GTF2IRD1: variants seen among roughly 807,000 people sequenced by gnomAD.
The protein encoded by GTF2IRD1 is GTF2I repeat domain containing 1.
Under a neutral mutation model 113.2 loss-of-function variants are expected in GTF2IRD1, and 26 were observed. That is an observed-to-expected ratio of 0.23 (90% CI 0.17 to 0.32). GTF2IRD1 has a LOEUF of 0.32. Among genes scored for constraint, GTF2IRD1 ranks in the 10% least tolerant of loss-of-function variants. GTF2IRD1 has a pLI of 1.00. For synonymous variants in GTF2IRD1, 484 were observed against 529.1 expected, an observed-to-expected ratio of 0.91 and a Z score of 1.17; for missense variants, 864 against 1,280.8, an observed-to-expected ratio of 0.67 and a Z score of 4.97.
At position 74,464,382 on chromosome 7, in the gene GTF2IRD1, GA is replaced by G. The variant is rs1188260311; in HGVS notation, c.-7+10207del. On this transcript the variant is annotated intron_variant, in intron 1 of 26. Transcript: ENST00000424337. Reference sequence around the variant, plus strand: ...CCTAAGGAGATGGAGCTTCCTGGGTGATCACATGTCTTGCGTGGGTGTCTTG... The same window carrying G: ...CCTAAGGAGATGGAGCTTCCTGGGTGTCACATGTCTTGCGTGGGTGTCTTG... Among the ~76,000 whole-genome samples, 1,461 of 152,300 alleles carry G rather than the reference GA, an allele frequency of 9.6e-3. 22 individuals are homozygous for G. Among genetic ancestry groups the G allele is most frequent in the African/African-American group, 0.032 (1,326 of 41,568 alleles).
intron 1 of GTF2IRD1, chr7:74,506,271 C>A (rs920535425): frequency 6.6e-6 from 1 of 152,220 alleles, no homozygotes; most frequent in East Asian, 1.9e-4. Context: ...TGGGACCACA[C>A]GCCTTGGGCC....
intron 20 of GTF2IRD1, 122 bp downstream of exon 20, chr7:74,557,844 T>G: frequency 1.6e-6 from 1 of 639,328 alleles, no homozygotes; most frequent in Non-Finnish European, 2.8e-6. Flanking sequence ...CATGTATTTC[T>G]TGAGCATATA....
intron 22 of GTF2IRD1, among the ~76,000 whole-genome samples, chr7:74,583,110 C>T (rs1288207189): frequency 2.6e-5 from 4 of 152,108 alleles, no homozygotes; most frequent in Non-Finnish European, 4.4e-5. Context: ...CTAGAGAATC[C>T]CACAGACAAG....
chr7:74,505,429 A>G (rs1052165821), intron 1 of GTF2IRD1, among the ~76,000 whole-genome samples: 12 of 152,082 alleles, frequency 7.9e-5, no homozygotes, highest in Admixed American at 2.0e-4. Context: ...GGCTCGGGAC[A>G]GGGGGTCCTA....
At chr7:74,567,419 C>T (rs1800390647) in intron 22 of GTF2IRD1, among the ~76,000 whole-genome samples, 2 of 152,044 alleles carry the variant, frequency 1.3e-5, no homozygotes, top group African/African-American at 4.8e-5. Context: ...ATTGGTTGCA[C>T]CAGCCTCTGC....
chr7:74,530,835 C>T (rs894794268), intron 9 of GTF2IRD1, among the ~76,000 whole-genome samples: 1 of 152,096 alleles, frequency 6.6e-6, no homozygotes, highest in African/African-American at 2.4e-5. Context: ...GTTACTTAAC[C>T]ACTCTGTGCC....
chr7:74,509,154 C>G (rs191302314), intron 2 of GTF2IRD1, among the ~76,000 whole-genome samples: 2 of 151,806 alleles, frequency 1.3e-5, no homozygotes, highest in Non-Finnish European at 2.9e-5. Context: ...GTCAGGAGTT[C>G]GAGACCAGCC....
intron 22 of GTF2IRD1, among the ~76,000 whole-genome samples, chr7:74,582,131 G>T (rs587718126): frequency 6.6e-6 from 1 of 152,254 alleles, no homozygotes; most frequent in Non-Finnish European, 1.5e-5. Flanking sequence ...CGGGGGCCAC[G>T]ATTCCTGTCG....
intron 22 of GTF2IRD1, among the ~76,000 whole-genome samples, chr7:74,580,287 G>A (rs1554365753): frequency 6.6e-6 from 1 of 152,172 alleles, no homozygotes; most frequent in Non-Finnish European, 1.5e-5. Flanking sequence ...GGAGGGGAGA[G>A]AAGGACCATT....
chr7:74,518,837 G>A (rs587730884), intron 5 of GTF2IRD1, among the ~76,000 whole-genome samples: 11 of 152,240 alleles, frequency 7.2e-5, no homozygotes, highest in Non-Finnish European at 1.3e-4. Flanking sequence ...GCAGTGAGCT[G>A]TGATTGCGTC....
intron 1 of GTF2IRD1, among the ~76,000 whole-genome samples, chr7:74,473,250 G>C (rs1794208819): frequency 6.6e-6 from 1 of 152,196 alleles, no homozygotes; most frequent in Non-Finnish European, 1.5e-5. Flanking sequence ...AGAACCTGGT[G>C]GGGGCAGGGG....
chr7:74,571,246 C>T (rs1554362602), intron 22 of GTF2IRD1: 1 of 362,100 alleles, frequency 2.8e-6, no homozygotes, highest in African/African-American at 2.2e-5. Context: ...CACGCCACGT[C>T]TGCCTCCCCT....
intron 1 of GTF2IRD1, among the ~76,000 whole-genome samples, chr7:74,461,901 T>C (rs1312852908): frequency 6.6e-6 from 1 of 152,114 alleles, no homozygotes; most frequent in African/African-American, 2.4e-5. Context: ...TTATTAAAAA[T>C]ATCGTTGAGG....
chr7:74,500,225 C>T lies in GTF2IRD1; in HGVS notation c.-6-7850C>T, dbSNP rs1479232858. 7.9e-5 allele frequency among the ~76,000 whole-genome samples: 12 copies of T among 152,246 alleles called. 1 individual carries two copies. Among genetic ancestry groups the T allele is most frequent in the African/African-American group, 2.9e-4 (12 of 41,554 alleles). ...ACCTTGAGCAGCACGCTTCCCCTCC[C>T]GAGCCTTAGCCTCCCCAGATGTAAC... On this transcript the variant is annotated intron_variant, in intron 1 of 26. Coordinates refer to ENST00000424337, the MANE Select transcript of GTF2IRD1 (RefSeq NM_005685.4).
chr7:74,557,663 G>C lies in GTF2IRD1; in HGVS notation c.2048G>C (p.Arg683Pro). The C allele has an allele frequency of 6.2e-7, 1 of 1,613,630 alleles. No homozygotes were observed. Among genetic ancestry groups the C allele is most frequent in the Non-Finnish European group, 8.5e-7 (1 of 1,179,662 alleles). The stretch of plus-strand genomic sequence containing the variant: ...GAAAATTATGACGCGAGGCTCTCAC[G>C]GATCGACATCGCCAACACACTAAGG... ...FQENYDARLS[R>P]IDIANTLREQ... is the part of the protein sequence containing the mutation. The change falls in exon 20 of 27, where the codon CGG becomes CCG. Residue 683 changes from arginine to proline, a missense_variant. Transcript: ENST00000424337.
intron 1 of GTF2IRD1, among the ~76,000 whole-genome samples, chr7:74,470,889 C>G (rs191312863): frequency 6.6e-6 from 1 of 152,116 alleles, no homozygotes; most frequent in African/African-American, 2.4e-5. Flanking sequence ...CTGCAACCTC[C>G]GCCTCCCTGG....
chr7:74,529,762 C>G lies in GTF2IRD1; in HGVS notation c.1119C>G (p.Val373=). The G allele has an allele frequency of 2.5e-6, 4 of 1,613,996 alleles. No individual in the cohort carries two copies. The highest frequency in any genetic ancestry group is 2.2e-5 in the South Asian group (2 of 91,074). ...AAGCCCTGGGCCTGGACCACATGGT[C>G]CCCGTGCCCTACCGGAAGATTGCCT... ...YAEALGLDHM[V]PVPYRKIACD... Residue 373 remains valine, a synonymous_variant, in exon 9 of 27, where the codon GTC becomes GTG. Coordinates refer to ENST00000424337, the MANE Select transcript of GTF2IRD1 (RefSeq NM_005685.4).
chr7:74,562,555 CTTTTTTTTTTTTTTT>C (rs1167468655), intron 22 of GTF2IRD1, among the ~76,000 whole-genome samples: 9 of 62,702 alleles, frequency 1.4e-4, no homozygotes, highest in African/African-American at 5.6e-4. Flanking sequence ...CAATTGCCCT[CTTTTTTTTTTTTTTT>C]TTTTTTTTTT....
rs555021466 is a variant in GTF2IRD1, at chr7:74,510,078, T to G, written c.123+1875T>G. On this transcript the variant is annotated intron_variant, in intron 2 of 26. Coordinates refer to ENST00000424337, the MANE Select transcript of GTF2IRD1 (RefSeq NM_005685.4). ...TGCTGTAGGTGGCTCAAGGGCTGCT[T>G]AAGTGGTGTTTGGGGCAGCGGTGGG... Among the ~76,000 whole-genome samples the G allele has an allele frequency of 3.9e-5, 6 of 152,086 alleles. No individual in the cohort carries two copies. In the East Asian group the frequency reaches 1.2e-3, roughly 29 times the overall value.
Sources: allele counts gnomAD v4.1 joint callset (sites outside exome capture counted in the v4.1 genomes callset), GRCh38; gene constraint gnomAD v4.1.1; transcripts MANE v1.5; gene names NCBI Gene and HGNC (gene_info 2026-07-23, HGNC 2026-07-21).